Variants in KCNJ3 observed in about 807,000 individuals in gnomAD.
KCNJ3 encodes the protein potassium inwardly rectifying channel subfamily J member 3, also known as G protein-activated inward rectifier potassium channel 1.
Under a neutral mutation model 39.2 loss-of-function variants are expected in KCNJ3, and 4 were observed. The ratio of observed to expected loss-of-function variants is 0.10; its 90% CI spans 0.05 to 0.23. The LOEUF (loss-of-function observed/expected upper bound fraction) is 0.23, where lower values mean the gene tolerates loss of function less well. Ranked by LOEUF, KCNJ3 falls within the 10% of genes least tolerant of loss-of-function variation. The probability of loss-of-function intolerance (pLI) is 1.00; values close to 1 mark genes in which losing one functional copy is unlikely to be tolerated. For synonymous variants in KCNJ3, 230 were observed against 237.4 expected (o/e 0.97, Z 0.29); for missense variants, 276 against 634.9 (o/e 0.43, Z 6.08).
intron 2 of KCNJ3, among the ~76,000 whole-genome samples, chr2:154,748,597 A>C (rs1685785525): frequency 6.6e-6 from 1 of 152,056 alleles, no homozygotes; most frequent in African/African-American, 2.4e-5. Context: ...TAAGATATCT[A>C]GTTTAAAATA....
intron 2 of KCNJ3, among the ~76,000 whole-genome samples, chr2:154,842,674 G>A (rs952875588): frequency 5.1e-4 from 78 of 152,172 alleles, no homozygotes; most frequent in Non-Finnish European, 1.2e-4. Flanking sequence ...TTGTTGAATT[G>A]ATTCCTTTAC....
intron 2 of KCNJ3, among the ~76,000 whole-genome samples, chr2:154,828,055 C>T (rs1283026380): frequency 6.6e-6 from 1 of 152,128 alleles, no homozygotes; most frequent in Non-Finnish European, 1.5e-5. Flanking sequence ...ATTCTTTTCA[C>T]ATTAAATGGG....
intron 2 of KCNJ3, among the ~76,000 whole-genome samples, chr2:154,710,441 C>A (rs779501726): frequency 2.6e-5 from 4 of 152,136 alleles, no homozygotes; most frequent in Non-Finnish European, 5.9e-5. Context: ...TCCTTAACAT[C>A]CAATATAACT....
chr2:154,703,982 T>G (rs1684955001), intron 1 of KCNJ3, among the ~76,000 whole-genome samples: 1 of 152,018 alleles, frequency 6.6e-6, no homozygotes, highest in Non-Finnish European at 1.5e-5. Context: ...CCTGTATTGG[T>G]TGGTGAGTTC....
At chr2:154,749,562 C>G (rs2882164) in intron 2 of KCNJ3, among the ~76,000 whole-genome samples, 1 of 151,826 alleles carries the variant, frequency 6.6e-6, no homozygotes, top group Non-Finnish European at 1.5e-5. Context: ...TGTCAGAGGG[C>G]TGTACTGCAA....
intron 2 of KCNJ3, among the ~76,000 whole-genome samples, chr2:154,764,932 T>G (rs1205169004): frequency 6.6e-6 from 1 of 152,180 alleles, no homozygotes; most frequent in African/African-American, 2.4e-5. Context: ...AAATGGCCAT[T>G]GATGCTCTCC....
At chr2:154,818,941 T>C (rs971884501) in intron 2 of KCNJ3, among the ~76,000 whole-genome samples, 37 of 141,036 alleles carry the variant, frequency 2.6e-4, no homozygotes, top group Non-Finnish European at 4.3e-4. Context: ...TTTTTTTTTT[T>C]TTTTTTTTTA....
chr2:154,821,563 C>T (rs1030151450), intron 2 of KCNJ3, among the ~76,000 whole-genome samples: 1 of 150,850 alleles, frequency 6.6e-6, no homozygotes, highest in Non-Finnish European at 1.5e-5. Context: ...AACAGCCTGC[C>T]TCAAAAGCTT....
intron 2 of KCNJ3, among the ~76,000 whole-genome samples, chr2:154,756,299 T>C (rs1444425091): frequency 2.6e-5 from 4 of 152,176 alleles, no homozygotes; most frequent in Admixed American, 1.3e-4. Flanking sequence ...GCTAAAATAC[T>C]TTACACTTGG....
At chr2:154,749,732 T>C (rs765968229) in intron 2 of KCNJ3, among the ~76,000 whole-genome samples, 5 of 152,024 alleles carry the variant, frequency 3.3e-5, no homozygotes, top group African/African-American at 4.8e-5. Context: ...TCGTAGTGAG[T>C]GCATATATGT....
intron 2 of KCNJ3, among the ~76,000 whole-genome samples, chr2:154,835,503 ATCAAAAT>A (rs1687444325): frequency 9.0e-5 from 13 of 144,908 alleles, no homozygotes; most frequent in African/African-American, 1.3e-4. Flanking sequence ...ATGAATATAT[ATCAAAAT>A]ATATATATAT....
chr2:154,714,055 C>T (rs1685143924), intron 2 of KCNJ3, among the ~76,000 whole-genome samples: 1 of 152,162 alleles, frequency 6.6e-6, no homozygotes, highest in African/African-American at 2.4e-5. Context: ...TAGTTAGCTT[C>T]TCTTTCTCTT....
intron 2 of KCNJ3, among the ~76,000 whole-genome samples, chr2:154,740,746 A>G (rs1685639821): frequency 6.6e-6 from 1 of 152,036 alleles, no homozygotes; most frequent in Admixed American, 6.6e-5. Context: ...CAATTCTTGC[A>G]TAGAAAATCA....
At chr2:154,832,448 C>A (rs1030772206) in intron 2 of KCNJ3, among the ~76,000 whole-genome samples, 1 of 152,134 alleles carries the variant, frequency 6.6e-6, no homozygotes, top group African/African-American at 2.4e-5. Flanking sequence ...GGAAACATTT[C>A]TCTTTTAAGA....
At chr2:154,741,707 T>TA (rs1000158162) in intron 2 of KCNJ3, among the ~76,000 whole-genome samples, 14 of 151,896 alleles carry the variant, frequency 9.2e-5, no homozygotes, top group Non-Finnish European at 2.1e-4. Context: ...CATGTGAGTT[T>TA]AGTTCCCCTC....
In KCNJ3 at chr2:154,736,345, T is replaced by C. The variant is rs139703759; in HGVS notation, c.919+26526T>C. ...GCCATTGCATCTTGCCCTTTTAGAG[T>C]GGAAGAGAGTGACAGGAGTCACTAG... On this transcript the variant is annotated intron_variant, in intron 2 of 2. Transcript: ENST00000295101. Among the ~76,000 whole-genome samples the C allele has an allele frequency of 2.1e-3, 242 of 116,956 alleles. 6 individuals carry two copies. The East Asian group carries it at 0.05, about 24-fold the overall frequency. The allele number at this position is 116,956 out of a possible 152,430, so 76.7% of individuals were successfully genotyped here. A position where few individuals can be genotyped will look rare whatever the true frequency, so the allele number is the denominator to read the frequency against.
At chr2:154,766,345 A>G (rs961984769) in intron 2 of KCNJ3, among the ~76,000 whole-genome samples, 3 of 152,128 alleles carry the variant, frequency 2.0e-5, no homozygotes, top group Non-Finnish European at 4.4e-5. Context: ...TATTCATGCC[A>G]TGATATATCA....
intron 2 of KCNJ3, among the ~76,000 whole-genome samples, chr2:154,744,310 A>G (rs1228504007): frequency 6.6e-6 from 1 of 151,600 alleles, no homozygotes; most frequent in African/African-American, 2.4e-5. Flanking sequence ...TCTTTTTTAT[A>G]CTGATTGTGT....
In KCNJ3 at chr2:154,855,569, G is replaced by C. The variant is rs1295245363; in HGVS notation, c.*256G>C. ...CAATAATGTGCAAATTTTGCATTTAGTTTTATGGCATGATTTATATATGGC... is the reference window on the plus strand; with the variant it reads ...CAATAATGTGCAAATTTTGCATTTACTTTTATGGCATGATTTATATATGGC... On this transcript the variant is annotated 3_prime_UTR_variant, in exon 3 of 3. Coordinates refer to ENST00000295101, the MANE Select transcript of KCNJ3 (RefSeq NM_002239.4). 3 of 306,034 alleles carry C rather than the reference G, an allele frequency of 9.8e-6. No homozygotes were observed. The highest frequency in any genetic ancestry group is 1.8e-5 in the Non-Finnish European group (3 of 165,838). 19.0% of individuals were successfully genotyped at this position (306,034 alleles called of 1,614,324 possible).
Sources: gnomAD v4.1 joint callset for allele counts (sites outside exome capture counted in the v4.1 genomes callset) on GRCh38, gnomAD v4.1.1 for gene constraint, MANE v1.5 for transcripts, NCBI Gene and HGNC (gene_info 2026-07-23, HGNC 2026-07-21) for gene names.